GTF2E2: variants seen among roughly 807,000 people sequenced by gnomAD.
GTF2E2 encodes general transcription factor IIE subunit 2.
In GTF2E2, 21 loss-of-function variants were observed where a neutral mutation model predicts 40.5. That is an observed-to-expected ratio of 0.52 (90% CI 0.37 to 0.75). The LOEUF is 0.75. Ranked by LOEUF, GTF2E2 falls within the 30% of genes least tolerant of loss-of-function variation. GTF2E2 has a pLI of 0.00. For synonymous variants in GTF2E2, 117 were observed against 121.6 expected, an observed-to-expected ratio of 0.96 and a Z score of 0.25; for missense variants, 298 against 338.4, an observed-to-expected ratio of 0.88 and a Z score of 0.94.
At chr8:30,595,798 C>T (rs1326181070) in intron 6 of GTF2E2, among the ~76,000 whole-genome samples, 1 of 151,806 alleles carries the variant, frequency 6.6e-6, no homozygotes, top group Non-Finnish European at 1.5e-5. Context: ...CACCACTGCA[C>T]TCTCGCCTGG....
intron 5 of GTF2E2, among the ~76,000 whole-genome samples, chr8:30,608,030 A>G (rs944209684): frequency 6.6e-6 from 1 of 152,210 alleles, no homozygotes; most frequent in Non-Finnish European, 1.5e-5. Flanking sequence ...GTTGTCTTTT[A>G]ACTTTCATTG....
At chr8:30,620,829 T>C (rs1801074332) in intron 3 of GTF2E2, among the ~76,000 whole-genome samples, 1 of 151,340 alleles carries the variant, frequency 6.6e-6, no homozygotes, top group African/African-American at 2.4e-5. Flanking sequence ...CTGAAGAGGC[T>C]GAGGCAGGAG....
At chr8:30,652,169 T>G (rs1802301581) in intron 2 of GTF2E2, among the ~76,000 whole-genome samples, 3 of 152,146 alleles carry the variant, frequency 2.0e-5, no homozygotes, top group Admixed American at 2.0e-4. Context: ...GGCAAAGATT[T>G]CTTAGATATG....
At chr8:30,621,276 A>T (rs1801093750) in intron 3 of GTF2E2, among the ~76,000 whole-genome samples, 1 of 152,102 alleles carries the variant, frequency 6.6e-6, no homozygotes, top group South Asian at 2.1e-4. Context: ...ATCAAAAATA[A>T]ATGGAATTAT....
chr8:30,596,592 T>C (rs1433450672), intron 6 of GTF2E2, among the ~76,000 whole-genome samples: 1 of 152,222 alleles, frequency 6.6e-6, no homozygotes, highest in East Asian at 1.9e-4. Context: ...GTCTTAAAAA[T>C]GTCCTGTCTC....
At chr8:30,644,621 T>C (rs1289385356) in intron 2 of GTF2E2, 4 of 152,172 alleles carry the variant, frequency 2.6e-5, no homozygotes, top group Non-Finnish European at 5.9e-5. Context: ...CAGGGGCAGT[T>C]TGAAGAACAT....
chr8:30,621,964 T>TTA (rs199808043), intron 3 of GTF2E2, among the ~76,000 whole-genome samples: 7 of 119,436 alleles, frequency 5.9e-5, no homozygotes, highest in East Asian at 4.4e-4. Flanking sequence ...TAGGGGGTTC[T>TTA]TATATATATA....
In GTF2E2 at chr8:30,598,777, T is replaced by C. The variant is rs1441002337; in HGVS notation, c.643+8280A>G. 4.6e-5 allele frequency among the ~76,000 whole-genome samples: 7 copies of C among 152,356 alleles called. No individual in the cohort carries two copies. In the East Asian group the frequency reaches 1.2e-3, roughly 25 times the overall value. On this transcript the variant is annotated intron_variant, in intron 6 of 7. Transcript: ENST00000355904. ...AAATTTAATTACTTTTTAAAACATG[T>C]GGGGACAAAATGTTCAGTTGACAAA...
In GTF2E2 at chr8:30,579,800, T is replaced by A. The variant is rs1355663799; in HGVS notation, c.759+481A>T. Reference sequence around the variant, plus strand: ...AAAAGTCATCATTTAATTACTAACATCCCCTGTGAGCAGGATTTAGAGACT... The same window carrying A: ...AAAAGTCATCATTTAATTACTAACAACCCCTGTGAGCAGGATTTAGAGACT... On this transcript the variant is annotated intron_variant, in intron 7 of 7. Coordinates refer to ENST00000355904, the MANE Select transcript of GTF2E2 (RefSeq NM_002095.6). Among the ~76,000 whole-genome samples the A allele has an allele frequency of 3.3e-5, 5 of 152,100 alleles. No homozygotes were observed. In the South Asian group the frequency reaches 1.0e-3, roughly 31 times the overall value.
At chr8:30,613,880 T>A (rs9693800) in intron 4 of GTF2E2, among the ~76,000 whole-genome samples, 1 of 152,098 alleles carries the variant, frequency 6.6e-6, no homozygotes, top group Non-Finnish European at 1.5e-5. Context: ...GGTCACTGAC[T>A]GCGTTGGGGT....
At chr8:30,637,335 A>G in intron 2 of GTF2E2, 1 of 455,378 alleles carries the variant, frequency 2.2e-6, no homozygotes, top group East Asian at 6.9e-5. Context: ...CCAATTATGA[A>G]TCACAAACAG....
intron 5 of GTF2E2, among the ~76,000 whole-genome samples, chr8:30,609,879 G>A (rs1023357585): frequency 6.6e-5 from 10 of 151,956 alleles, no homozygotes; most frequent in African/African-American, 1.7e-4. Context: ...CTCCTGCTCC[G>A]GCCATGTAAG....
chr8:30,637,421 TAAA>T (rs1471257743), intron 2 of GTF2E2: 3 of 387,932 alleles, frequency 7.7e-6, no homozygotes, highest in African/African-American at 6.3e-5. Flanking sequence ...AAACACTCAA[TAAA>T]TATTTGTTGA....
chr8:30,606,285 C>G (rs1264420792), intron 6 of GTF2E2, among the ~76,000 whole-genome samples: 1 of 152,156 alleles, frequency 6.6e-6, no homozygotes, highest in Non-Finnish European at 1.5e-5. Flanking sequence ...GAAACTAAAG[C>G]CCTATCTACC....
In GTF2E2 at chr8:30,653,657, C is replaced by T. The variant is rs1405291985; in HGVS notation, c.-4-55G>A. On this transcript the variant is annotated intron_variant, in intron 1 of 7. Transcript: ENST00000355904. ...CAAATTCAAGTCACTCAAACCTGCACTCCAAATCCACAGATCTCAACAAGT... is the reference window on the plus strand; with the variant it reads ...CAAATTCAAGTCACTCAAACCTGCATTCCAAATCCACAGATCTCAACAAGT... 5 of 1,253,200 alleles carry T rather than the reference C, an allele frequency of 4.0e-6. 1 individual carries two copies. The African/African-American group carries it at 4.5e-5, about 11-fold the overall frequency. The allele number at this position is 1,253,200 out of a possible 1,614,324, so 77.6% of individuals were successfully genotyped here.
At chr8:30,596,666 G>A (rs1273215321) in intron 6 of GTF2E2, among the ~76,000 whole-genome samples, 1 of 150,256 alleles carries the variant, frequency 6.7e-6, no homozygotes, top group African/African-American at 2.4e-5. Context: ...ATAGTGTGTT[G>A]TTCTTCCTTC....
At chr8:30,632,700 A>C (rs189011080) in intron 3 of GTF2E2, among the ~76,000 whole-genome samples, 433 of 152,296 alleles carry the variant, frequency 2.8e-3, no homozygotes, top group African/African-American at 1.0e-2. Context: ...GCTTCCTAGA[A>C]GCTAAGAAAA....
At chr8:30,595,683 T>A (rs1392261710) in intron 6 of GTF2E2, among the ~76,000 whole-genome samples, 1 of 152,070 alleles carries the variant, frequency 6.6e-6, no homozygotes, top group Admixed American at 6.6e-5. Flanking sequence ...TACAAAAAAA[T>A]TAGCTAGATG....
intron 5 of GTF2E2, among the ~76,000 whole-genome samples, chr8:30,608,731 C>T (rs897239959): frequency 6.6e-6 from 1 of 152,156 alleles, no homozygotes; most frequent in African/African-American, 2.4e-5. Flanking sequence ...CTTTGGGAGG[C>T]AGGAGGATCA....
Sources: gnomAD v4.1 joint callset for allele counts (sites outside exome capture counted in the v4.1 genomes callset) on GRCh38, gnomAD v4.1.1 for gene constraint, MANE v1.5 for transcripts, NCBI Gene and HGNC (gene_info 2026-07-23, HGNC 2026-07-21) for gene names.